ITSN2: variants seen among roughly 807,000 people sequenced by gnomAD.
ITSN2 encodes the protein intersectin-2.
In ITSN2, 156 loss-of-function variants were observed where a neutral mutation model predicts 243.7. That is an observed-to-expected ratio of 0.64 (90% confidence interval 0.56 to 0.73). The LOEUF (loss-of-function observed/expected upper bound fraction) is 0.73, where lower values mean the gene tolerates loss of function less well. ITSN2 is among the 30% of genes least tolerant of loss of function. The probability of loss-of-function intolerance (pLI) is 0.00; values close to 1 mark genes in which losing one functional copy is unlikely to be tolerated. For missense variants in ITSN2, 1,801 were observed against 1,996.1 expected (o/e 0.90, Z 1.86); for synonymous variants, 703 against 699.9 (o/e 1.00, Z -0.07).
intron 1 of ITSN2, among the ~76,000 whole-genome samples, chr2:24,335,887 C>T (rs1350655142): frequency 2.6e-5 from 4 of 151,926 alleles, no homozygotes; most frequent in Admixed American, 2.6e-4. Flanking sequence ...ATCTGCCCGC[C>T]TCCCAAAGTG....
intron 8 of ITSN2, among the ~76,000 whole-genome samples, chr2:24,306,867 G>T (rs947899046): frequency 6.6e-6 from 1 of 151,550 alleles, no homozygotes; most frequent in African/African-American, 2.4e-5. Context: ...GTGCACTGGC[G>T]CAATCTCGGC....
intron 2 of ITSN2, among the ~76,000 whole-genome samples, chr2:24,323,626 A>G (rs1684827575): frequency 6.6e-6 from 1 of 152,232 alleles, no homozygotes; most frequent in South Asian, 2.1e-4. Flanking sequence ...CAAATGTTTT[A>G]TATCCTAATT....
At chr2:24,280,794 T>C (rs925779902) in intron 17 of ITSN2, among the ~76,000 whole-genome samples, 4 of 152,202 alleles carry the variant, frequency 2.6e-5, no homozygotes, top group Non-Finnish European at 5.9e-5. Context: ...CTCACCTCAC[T>C]ATTCTCTAAG....
At position 24,257,961 on chromosome 2, in the gene ITSN2, C is replaced by T; in HGVS notation, c.2815G>A (p.Val939Met). ...GGAAACCATCCTCTTCCTCCATGCA[C>T]CTCCCCAAACCACCAATTTTCTTGC... ...EQQENWWFGE[V>M]HGGRGWFPKS... The change falls in exon 23 of 40, where the codon GTG (valine) becomes ATG (methionine). Residue 939 changes from valine to methionine, a missense_variant. This residue lies in a region of ITSN2 where 928 missense variants were observed against 1,065.4 expected (regional missense o/e 0.87). Transcript: ENST00000355123. 2 of 1,614,088 alleles carry T rather than the reference C, an allele frequency of 1.2e-6. No individual in the cohort carries two copies. The highest frequency in any genetic ancestry group is 1.7e-6 in the Non-Finnish European group (2 of 1,179,982).
intron 1 of ITSN2, among the ~76,000 whole-genome samples, chr2:24,335,891 C>A (rs1034332587): frequency 6.6e-6 from 1 of 151,844 alleles, no homozygotes; most frequent in Non-Finnish European, 1.5e-5. Context: ...GCCCGCCTCC[C>A]AAAGTGCTGG....
chr2:24,329,633 C>G (rs1685554023), intron 1 of ITSN2, among the ~76,000 whole-genome samples: 2 of 152,252 alleles, frequency 1.3e-5, no homozygotes, highest in South Asian at 4.1e-4. Flanking sequence ...TAGCAATGCA[C>G]TTAGTAATTA....
chr2:24,269,913 A>G (rs1205771361), intron 20 of ITSN2, among the ~76,000 whole-genome samples: 1 of 152,198 alleles, frequency 6.6e-6, no homozygotes. Flanking sequence ...CTGCTCGGGC[A>G]CAGCTCCGGT....
chr2:24,264,022 CAATT>C (rs944067252), intron 20 of ITSN2, among the ~76,000 whole-genome samples: 1 of 152,116 alleles, frequency 6.6e-6, no homozygotes, highest in African/African-American at 2.4e-5. Context: ...TTACAGTACA[CAATT>C]AAATGCATTT....
At chr2:24,291,225 G>A (rs1558563870) in intron 15 of ITSN2, among the ~76,000 whole-genome samples, 2 of 151,990 alleles carry the variant, frequency 1.3e-5, no homozygotes, top group Non-Finnish European at 2.9e-5. Context: ...TGCCTCCCAC[G>A]TTCAAGCAAT....
At chr2:24,307,493 T>C (rs969129291) in intron 8 of ITSN2, among the ~76,000 whole-genome samples, 1 of 152,200 alleles carries the variant, frequency 6.6e-6, no homozygotes, top group African/African-American at 2.4e-5. Context: ...AGGTCACCCG[T>C]GAACCTACCA....
At chr2:24,320,194 T>C (rs1459713400) in intron 2 of ITSN2, among the ~76,000 whole-genome samples, 1 of 141,640 alleles carries the variant, frequency 7.1e-6, no homozygotes, top group Non-Finnish European at 1.5e-5. Context: ...CTGGGCAACA[T>C]AGTGAGACCC....
chr2:24,305,842 G>A (rs1682464591), intron 8 of ITSN2, among the ~76,000 whole-genome samples: 1 of 152,096 alleles, frequency 6.6e-6, no homozygotes, highest in Non-Finnish European at 1.5e-5. Context: ...ATATACTAAT[G>A]AAGTAACATT....
Position 24,210,812 on chromosome 2 carries a change from G to A in ITSN2, c.4225C>T (p.Gln1409Ter), listed in dbSNP as rs772938953. Residue 1409 changes from glutamine (Q) to a stop codon, truncating the protein, a stop_gained, in exon 34 of 40, where the codon CAG becomes TAG. Transcript: ENST00000355123. LOFTEE classifies it high-confidence loss of function. ...KENSDRLEWIQAHVQCEGLAE... is the reference protein window; with the variant it reads ...KENSDRLEWI ...AGGCCTTCACACTGCACGTGCGCCT[G>A]GATCCACTCCAGTCGGTCCGAGTTT... 2 of 1,614,008 alleles carry A rather than the reference G, an allele frequency of 1.2e-6. No individual in the cohort carries two copies.
intron 2 of ITSN2, among the ~76,000 whole-genome samples, chr2:24,322,393 C>G (rs1261434912): frequency 2.0e-5 from 3 of 152,138 alleles, no homozygotes; most frequent in Admixed American, 6.5e-5. Flanking sequence ...AATTAAGAGT[C>G]TTAAACTATC....
In ITSN2 at chr2:24,275,729, C is replaced by T. The variant is rs149446996; in HGVS notation, c.2065G>A (p.Glu689Lys). The T allele has an allele frequency of 5.0e-5, 81 of 1,609,758 alleles. No individual in the cohort carries two copies. The African/African-American group carries it at 7.3e-4, about 15-fold the overall frequency. Residue 689 changes from glutamate to lysine, a missense_variant, in exon 18 of 40, where the codon GAA becomes AAA. Physicochemically the swap from Glu to Lys is moderately conservative, Grantham distance 56. Around this residue, in one of 5 missense-constraint regions of ITSN2, gnomAD observed 787 missense variants for 803.9 expected, o/e 0.98. Transcript: ENST00000355123. ...CTATATTACCTTGCAGCCTCATCTTCTAGTTTCTTTTTCTGCATTAGTTCT... is the reference window on the plus strand; with the variant it reads ...CTATATTACCTTGCAGCCTCATCTTTTAGTTTCTTTTTCTGCATTAGTTCT... ...RLELMQKKKL[E>K]DEAARKAKQG...
intron 5 of ITSN2, among the ~76,000 whole-genome samples, chr2:24,311,245 G>T (rs543555011): frequency 2.6e-5 from 4 of 152,116 alleles, no homozygotes; most frequent in Admixed American, 2.0e-4. Flanking sequence ...ATTCAAGGAC[G>T]AGTTCTTAAA....
intron 2 of ITSN2, among the ~76,000 whole-genome samples, chr2:24,327,270 A>C (rs1421283709): frequency 6.6e-6 from 1 of 151,988 alleles, no homozygotes; most frequent in East Asian, 1.9e-4. Flanking sequence ...TTCATTATTC[A>C]AATTACCTAA....
Position 24,212,690 on chromosome 2 carries a change from G to A in ITSN2, c.4049C>T (p.Pro1350Leu), listed in dbSNP as rs755545287. Residue 1350 changes from proline (P) to leucine (L), a missense_variant, in exon 33 of 40, where the codon CCC (proline) becomes CTC (leucine). This residue lies in a region of ITSN2 where 928 missense variants were observed against 1,065.4 expected (regional missense o/e 0.87). Coordinates refer to ENST00000355123, the MANE Select transcript of ITSN2 (RefSeq NM_006277.3). ...GMPLSSFLLK[P>L]MQRITRYPLL... ...TGGGTAGCGGGTGATCCTCTGCATG[G>A]GTTTCAGCAGGAAGCTGGAGAGGGG... 1 of 1,613,532 alleles carries A rather than the reference G, an allele frequency of 6.2e-7. No homozygotes were observed. The highest frequency in any genetic ancestry group is 1.1e-5 in the South Asian group (1 of 90,960).
intron 20 of ITSN2, among the ~76,000 whole-genome samples, chr2:24,266,955 A>T (rs541445861): frequency 6.6e-6 from 1 of 152,094 alleles, no homozygotes; most frequent in Admixed American, 6.6e-5. Context: ...ATAAATAAAT[A>T]AAATAAAATA....
Sources: allele counts gnomAD v4.1 joint callset (sites outside exome capture counted in the v4.1 genomes callset), GRCh38; gene constraint gnomAD v4.1.1; regional missense constraint gnomAD v4.1.1; transcripts MANE v1.5; gene names NCBI Gene and HGNC (gene_info 2026-07-23, HGNC 2026-07-21).